MGAM: variants seen among roughly 807,000 people sequenced by gnomAD.
The protein encoded by MGAM is maltase-glucoamylase, also known as alpha-1,4-glucosidase.
In MGAM, 253 loss-of-function variants were observed where a neutral mutation model predicts 358.8. The ratio of observed to expected loss-of-function variants is 0.71; its 90% CI spans 0.64 to 0.78. The LOEUF (loss-of-function observed/expected upper bound fraction) is 0.78. MGAM is among the 30% of genes least tolerant of loss of function. The pLI is 0.00. For synonymous variants in MGAM, 1,105 were observed against 1,227.1 expected, an observed-to-expected ratio of 0.90 and a Z score of 2.08; for missense variants, 3,080 against 3,432.6, an observed-to-expected ratio of 0.90 and a Z score of 2.57.
Position 142,093,426 on chromosome 7 carries a change from G to A in MGAM, c.7048G>A (p.Asp2350Asn). 1.3e-6 allele frequency: 2 copies of A among 1,538,416 alleles called. No homozygotes were observed. Among genetic ancestry groups the A allele is most frequent in the Non-Finnish European group, 1.8e-6 (2 of 1,123,510 alleles). The stretch of plus-strand genomic sequence containing the variant: ...TTCCTCCTCAGATTTGGAGTCCAGG[G>A]ACAGGGGCCTGAGCAGCAAGACCCT... ...PPYMPYLESR[D>N]RGLSSKTLCM... The change falls in exon 60 of 71, where the codon GAC (aspartate) becomes AAC (asparagine). Residue 2350 changes from aspartate (D) to asparagine (N), a missense_variant. Asp to Asn is a conservative substitution (Grantham distance 23). Transcript: ENST00000475668.
rs193041569 is a variant in MGAM at position 141,988,244 on chromosome 7, C to T, written c.-2-17285C>T. 1.4e-4 allele frequency among the ~76,000 whole-genome samples: 21 copies of T among 152,070 alleles called. No individual in the cohort carries two copies. The East Asian group carries it at 3.9e-3, about 28-fold the overall frequency. The stretch of plus-strand genomic sequence containing the variant: ...AGGAGGTTGCAGTGAGCCGAGATTG[C>T]GCCACTGCACTTCAGCACTTTAGCC... On this transcript the variant is annotated intron_variant, in intron 2 of 5. Coordinates refer to the MGAM transcript ENST00000465654.
chr7:142,019,451 T>G (rs1490153745), intron 4 of MGAM, 132 bp downstream of exon 4: 1 of 987,610 alleles, frequency 1.0e-6, no homozygotes, highest in Admixed American at 3.3e-5. Flanking sequence ...TGGGCATTGC[T>G]CTTAATCGAG....
Position 142,079,603 on chromosome 7 carries a change from C to T in MGAM, c.5847+595C>T, listed in dbSNP as rs1814064550. Among the ~76,000 whole-genome samples, 3 of 146,002 alleles carry T rather than the reference C, an allele frequency of 2.1e-5. 1 individual carries two copies. In the South Asian group the frequency reaches 6.5e-4, roughly 32 times the overall value. ...TTCATTTCTTTCCAGAATTTAATTGCATTTAAAGACTAGGGATGGACTAGC... is the reference window on the plus strand; with the variant it reads ...TTCATTTCTTTCCAGAATTTAATTGTATTTAAAGACTAGGGATGGACTAGC... On this transcript the variant is annotated intron_variant, in intron 49 of 70. Transcript: ENST00000475668.
chr7:142,103,143 C>A, intron 69 of MGAM, 126 bp from the exon 70 acceptor site: 1 of 813,210 alleles, frequency 1.2e-6, no homozygotes, highest in Non-Finnish European at 1.9e-6. Context: ...TTTCCATGAT[C>A]CAAAGTTACA....
chr7:141,996,251 A>C (rs2128973310), intron 1 of MGAM, among the ~76,000 whole-genome samples: 1 of 151,592 alleles, frequency 6.6e-6, no homozygotes, highest in East Asian at 1.9e-4. Flanking sequence ...CAGTGAGCCG[A>C]GATCACGCCA....
intron 10 of MGAM, 31 bp downstream of exon 10, chr7:142,027,766 G>A (rs782775115): frequency 2.0e-6 from 3 of 1,493,406 alleles, no homozygotes; most frequent in Non-Finnish European, 2.7e-6. Flanking sequence ...TTCTCCAAAA[G>A]TAAAGAAATT....
intron 1 of MGAM, 30 bp from the exon 2 acceptor site, chr7:142,005,499 A>G (rs781963975): frequency 7.6e-6 from 11 of 1,445,310 alleles, no homozygotes; most frequent in Non-Finnish European, 1.0e-5. Context: ...ATCAAATTCA[A>G]ATCTAAAATT....
chr7:142,092,985 C>T (rs1815539267), intron 59 of MGAM, among the ~76,000 whole-genome samples: 1 of 146,262 alleles, frequency 6.8e-6, no homozygotes, highest in East Asian at 2.0e-4. Flanking sequence ...TTTGGAGTTA[C>T]ACTTGGGTTC....
intron 1 of MGAM, among the ~76,000 whole-genome samples, chr7:142,005,262 A>G (rs1386842512): frequency 6.6e-6 from 1 of 152,068 alleles, no homozygotes; most frequent in Admixed American, 6.6e-5. Context: ...AAAATTTCTT[A>G]TCTTTTAAAG....
At chr7:142,051,936 G>T (rs1445889336) in intron 24 of MGAM, among the ~76,000 whole-genome samples, 1 of 152,130 alleles carries the variant, frequency 6.6e-6, no homozygotes, top group South Asian at 2.1e-4. Flanking sequence ...ACTGGTTTGG[G>T]CATTGGAGAG....
chr7:142,098,458 A>G (rs910595577), intron 66 of MGAM, among the ~76,000 whole-genome samples: 3 of 152,120 alleles, frequency 2.0e-5, no homozygotes, highest in Admixed American at 2.0e-4. Context: ...AAAGGGGTAC[A>G]AGCAGGGATA....
rs758880313 is a variant in MGAM at position 142,052,927 on chromosome 7, C to T, written c.3102C>T (p.Pro1034=). The part of the protein sequence containing the change: ...SVYANAFPST[P]VNPLRLDVTY... ...ATGCCAATGCCTTCCCCTCCACACC[C>T]GTGAACCCCCTTCGCCTGGATGTCA... The change falls in exon 26 of 71, where the codon CCC becomes CCT. Residue 1034 remains proline, a synonymous_variant. Transcript: ENST00000475668. 27 of 1,613,772 alleles carry T rather than the reference C, an allele frequency of 1.7e-5. No individual in the cohort carries two copies. The highest frequency in any genetic ancestry group is 1.1e-4 in the African/African-American group (8 of 74,912).
chr7:142,080,782 C>T lies in MGAM; in HGVS notation c.5848-9C>T, dbSNP rs1814186452. ...TATTCTTGCCTAAAATCGTTTTCCT[C>T]TGGCCTAGATTTATGATCCCAACAA... On this transcript the variant is annotated splice_polypyrimidine_tract_variant and intron_variant, in intron 49 of 70. Coordinates refer to ENST00000475668, the MANE Select transcript of MGAM (RefSeq NM_001365693.1). 6.5e-7 allele frequency: 1 copy of T among 1,547,076 alleles called. No homozygotes were observed. The highest frequency in any genetic ancestry group is 1.3e-5 in the African/African-American group (1 of 74,578).
chr7:142,022,980 T>C (rs539526343), intron 7 of MGAM, among the ~76,000 whole-genome samples: 1 of 152,306 alleles, frequency 6.6e-6, no homozygotes, highest in East Asian at 1.9e-4. Context: ...ATTTCCACTT[T>C]GTTTTGACTG....
chr7:142,012,615 C>T (rs782601197), intron 3 of MGAM, among the ~76,000 whole-genome samples: 2 of 152,172 alleles, frequency 1.3e-5, no homozygotes, highest in Non-Finnish European at 2.9e-5. Context: ...ACAAACTATC[C>T]AAACTTAGTG....
At chr7:142,041,936 TATTA>T (rs1385545675) in intron 21 of MGAM, among the ~76,000 whole-genome samples, 13 of 28,296 alleles carry the variant, frequency 4.6e-4, no homozygotes, top group Admixed American at 2.4e-3. Flanking sequence ...ATAATATATA[TATTA>T]TATATATACA....
chr7:142,022,458 C>T lies in MGAM; in HGVS notation c.882+19C>T, dbSNP rs781787444. ...CAATGGAGTAAGCTTTCAAATGGGC[C>T]CCTTTCCACTGAATATCATAGTCTC... On this transcript the variant is annotated intron_variant, in intron 7 of 70. Transcript: ENST00000475668. 1.9e-6 allele frequency: 3 copies of T among 1,607,206 alleles called. No individual in the cohort carries two copies. Among genetic ancestry groups the T allele is most frequent in the Non-Finnish European group, 2.6e-6 (3 of 1,175,976 alleles).
chr7:142,038,202 C>T (rs1403485914), intron 18 of MGAM, among the ~76,000 whole-genome samples: 1 of 152,120 alleles, frequency 6.6e-6, no homozygotes, highest in Non-Finnish European at 1.5e-5. Context: ...TCTCCAGTTC[C>T]ATCCGTGTTG....
At chr7:142,027,479 C>CT in intron 9 of MGAM, 131 bp from the exon 10 acceptor site, 1 of 1,073,938 alleles carries the variant, frequency 9.3e-7, no homozygotes, top group South Asian at 1.7e-5. Context: ...GAAAAATAGA[C>CT]TAACATTCTA....
Sources: allele counts gnomAD v4.1 joint callset (sites outside exome capture counted in the v4.1 genomes callset), GRCh38; gene constraint gnomAD v4.1.1; transcripts MANE v1.5; gene names NCBI Gene and HGNC (gene_info 2026-07-23, HGNC 2026-07-21).